The following COL6A3 variants were observed in gnomAD, a reference collection of about 807,000 sequenced individuals.
COL6A3 encodes the protein collagen alpha-3(VI) chain.
A neutral mutation model predicts 274.1 loss-of-function variants in COL6A3; 137 were observed. That is an observed-to-expected ratio of 0.50 (90% CI 0.44 to 0.58). The LOEUF is 0.58. COL6A3 is among the 20% of genes least tolerant of loss of function. The pLI is 0.00. For missense variants in COL6A3, 3,950 were observed against 4,124.9 expected, an observed-to-expected ratio of 0.96 and a Z score of 1.16; for synonymous variants, 1,650 against 1,650.6, an observed-to-expected ratio of 1.00 and a Z score of 0.01.
chr2:237,339,283 G>A (rs977439903), intron 38 of COL6A3, among the ~76,000 whole-genome samples, 166 bp from the exon 39 acceptor site: 6 of 152,302 alleles, frequency 3.9e-5, no homozygotes, highest in African/African-American at 1.4e-4. Flanking sequence ...TAAACATAAA[G>A]TATGATGGCA....
rs2077694702 is a variant in COL6A3 at position 237,371,810 on chromosome 2, TCTG to T, written c.4204_4206del (p.Gln1402del). 5 of 1,613,864 alleles carry T rather than the reference TCTG, an allele frequency of 3.1e-6. No homozygotes were observed. Among genetic ancestry groups the T allele is most frequent in the Non-Finnish European group, 4.2e-6 (5 of 1,180,020 alleles). ...AGGGTCGTGATGGGCGTCAGCAGTT[TCTG>T]CTCCAGGCTGGGCAGCTCCCGGAAG... On this transcript the variant is annotated inframe_deletion, in exon 9 of 44. Coordinates refer to ENST00000295550, the MANE Select transcript of COL6A3 (RefSeq NM_004369.4). The surrounding 1 kb of genome is among the most constrained non-coding windows in gnomAD (Gnocchi z 4.3).
At chr2:237,331,776 T>C (rs1700240542) in intron 42 of COL6A3, among the ~76,000 whole-genome samples, 1 of 151,028 alleles carries the variant, frequency 6.6e-6, no homozygotes, top group Non-Finnish European at 1.5e-5. Context: ...AAAACACACA[T>C]ATGCATGTGT....
In COL6A3 at chr2:237,394,752, C is replaced by T; in HGVS notation, c.544G>A (p.Glu182Lys). Residue 182 changes from glutamate (E) to lysine (K), a missense_variant, in exon 3 of 44, where the codon GAA becomes AAA. Transcript: ENST00000295550. ...CTTGCTATTTCTTTTAACGCTCCTT[C>T]ATCTGCATCCTCAACTCCAATTGCA... ...VFAIGVEDADEGALKEIASEP... is the reference protein window; with the variant it reads ...VFAIGVEDADKGALKEIASEP... 6.2e-7 allele frequency: 1 copy of T among 1,614,250 alleles called. No homozygotes were observed. The highest frequency in any genetic ancestry group is 1.1e-5 in the South Asian group (1 of 91,090).
intron 17 of COL6A3, among the ~76,000 whole-genome samples, chr2:237,359,765 C>G (rs969491435): frequency 1.3e-5 from 2 of 152,242 alleles, no homozygotes; most frequent in African/African-American, 4.8e-5. Context: ...CACTCCCTTC[C>G]CTGACTGCTC....
At position 237,344,445 on chromosome 2, in the gene COL6A3, G is replaced by C. The variant is rs2077056501; in HGVS notation, c.7573C>G (p.Gln2525Glu). 1 of 1,614,246 alleles carries C rather than the reference G, an allele frequency of 6.2e-7. No homozygotes were observed. The highest frequency in any genetic ancestry group is 8.5e-7 in the Non-Finnish European group (1 of 1,180,046). Residue 2525 changes from glutamine (Q) to glutamate (E), a missense_variant, in exon 36 of 44, where the codon CAG (glutamine) becomes GAG (glutamate). Physicochemically the swap from Gln to Glu is conservative, Grantham distance 29. Coordinates refer to ENST00000295550, the MANE Select transcript of COL6A3 (RefSeq NM_004369.4). The surrounding 1 kb of genome is among the most constrained non-coding windows in gnomAD (Gnocchi z 4.8). ...FSNTPTRASP[Q>E]LREAVLKLSD... is the part of the protein sequence containing the mutation. ...AGCTTGAGCACAGCCTCTCTGAGCT[G>C]TGGGGATGCTCTTGTGGGTGTGTTG... is the stretch of plus-strand genomic sequence containing the variant.
intron 23 of COL6A3, chr2:237,355,604 A>T (rs550400846): frequency 1.1e-4 from 16 of 152,232 alleles, no homozygotes; most frequent in African/African-American, 3.6e-4. Context: ...TTGGGGTGGG[A>T]CTTTATGAAT....
intron 1 of COL6A3, among the ~76,000 whole-genome samples, chr2:237,406,522 CTG>C (rs1553569665): frequency 2.0e-5 from 3 of 152,160 alleles, no homozygotes; most frequent in Non-Finnish European, 4.4e-5. Flanking sequence ...TGCACACTGA[CTG>C]TGAAATAGAA....
chr2:237,333,443 A>C lies in COL6A3; in HGVS notation c.9328+7T>G, dbSNP rs185878719. The C allele has an allele frequency of 1.2e-6, 2 of 1,611,722 alleles. No individual in the cohort carries two copies. Among genetic ancestry groups the C allele is most frequent in the East Asian group, 4.5e-5 (2 of 44,874 alleles). On this transcript the variant is annotated splice_region_variant and intron_variant, in intron 42 of 43. Transcript: ENST00000295550. ...CCATTAATGGACCTAATAGTTTCACAACTCACCTGTTTCAGTGAGAGCCAA... is the reference window on the plus strand; with the variant it reads ...CCATTAATGGACCTAATAGTTTCACCACTCACCTGTTTCAGTGAGAGCCAA...
rs374493032 is a variant in COL6A3 at position 237,369,031 on chromosome 2, C to T, written c.4432G>A (p.Val1478Met). The change falls in exon 10 of 44, where the codon GTG becomes ATG. Residue 1478 changes from valine to methionine, a missense_variant. This residue lies in a region of COL6A3 where 1,934 missense variants were observed against 1,984.3 expected (regional missense o/e 0.97). Transcript: ENST00000295550. ...GGGAAGACATCATTGCTGAACTGCA[C>T]GACCCCAACTCTCACTTTACTGGGG... ...IGPSKVRVGVVQFSNDVFPEF... is the reference protein window; with the variant it reads ...IGPSKVRVGVMQFSNDVFPEF... 1.6e-5 allele frequency: 26 copies of T among 1,614,066 alleles called. No homozygotes were observed. Among genetic ancestry groups the T allele is most frequent in the Admixed American group, 6.7e-5 (4 of 60,004 alleles).
chr2:237,381,510 C>G lies in COL6A3; in HGVS notation c.1313-11G>C, dbSNP rs751423800. 3 of 1,592,840 alleles carry G rather than the reference C, an allele frequency of 1.9e-6. No homozygotes were observed. On this transcript the variant is annotated splice_polypyrimidine_tract_variant and intron_variant, in intron 4 of 43. Coordinates refer to ENST00000295550, the MANE Select transcript of COL6A3 (RefSeq NM_004369.4). ...TGTTGACTTCAATGACTGTAGGTGGCAACATTATAAGGCAATTAGAATGGC... is the reference window on the plus strand; with the variant it reads ...TGTTGACTTCAATGACTGTAGGTGGGAACATTATAAGGCAATTAGAATGGC...
At position 237,361,193 on chromosome 2, in the gene COL6A3, G is replaced by T. The variant is rs1307819498; in HGVS notation, c.6157-19C>A. 3 of 1,613,018 alleles carry T rather than the reference G, an allele frequency of 1.9e-6. No homozygotes were observed. Among genetic ancestry groups the T allele is most frequent in the Admixed American group, 1.7e-5 (1 of 59,994 alleles). On this transcript the variant is annotated intron_variant, in intron 15 of 43. Transcript: ENST00000295550. This position sits in a 1 kb window ranked among gnomAD's most constrained non-coding sequence, Gnocchi z 5.1. ...GAATACCCTGAAACAAAGTAATCGG[G>T]TCCTCTGTTTAATCCCGTGGTCTTC...
rs961477831 is a variant in COL6A3 at position 237,336,542 on chromosome 2, C to A, written c.8568-10G>T. 2 of 1,613,562 alleles carry A rather than the reference C, an allele frequency of 1.2e-6. No individual in the cohort carries two copies. Among genetic ancestry groups the A allele is most frequent in the Middle Eastern group, 1.7e-4 (1 of 6,056 alleles). ...GTTATTCGGAACATTTCTGTTAAGA[C>A]AAATTAAATATTACCTCTACTTTTA... On this transcript the variant is annotated splice_polypyrimidine_tract_variant and intron_variant, in intron 39 of 43. Transcript: ENST00000295550.
chr2:237,352,058 T>A (rs3790999), intron 26 of COL6A3, among the ~76,000 whole-genome samples: 91,918 of 152,102 alleles, frequency 0.6, 27,885 homozygotes, highest in East Asian at 0.67. Flanking sequence ...TGATAGCTGC[T>A]TTGCAAGATA....
intron 26 of COL6A3, 27 bp downstream of exon 26, chr2:237,352,494 GA>G: frequency 6.2e-7 from 1 of 1,602,476 alleles, no homozygotes; most frequent in Non-Finnish European, 8.5e-7. Flanking sequence ...TTCAGCTAGA[GA>G]GGGGGCTGGT....
Position 237,376,737 on chromosome 2 carries a change from T to C in COL6A3, c.3070+35A>G. 1.9e-6 allele frequency: 3 copies of C among 1,606,048 alleles called. No homozygotes were observed. The South Asian group carries it at 3.3e-5, about 18-fold the overall frequency. On this transcript the variant is annotated intron_variant, in intron 7 of 43. Transcript: ENST00000295550. ...ACCCTCAACTCATGCATTAGAGAAC[T>C]GAGTGGCAGAGCAACTAGCATTTCT... is the stretch of plus-strand genomic sequence containing the variant.
rs115297652 is a variant in COL6A3 at position 237,374,886 on chromosome 2, C to T, written c.3205G>A (p.Val1069Met). ...DVGQDRVRVA[V>M]VQYSDRTRPE... ...CTGGTCCGGTCGCTGTACTGCACCA[C>T]GGCCACGCGGACCCGGTCCTGGCCC... is the stretch of plus-strand genomic sequence containing the variant. The change falls in exon 8 of 44, where the codon GTG becomes ATG. Residue 1069 changes from valine to methionine, a missense_variant. Coordinates refer to ENST00000295550, the MANE Select transcript of COL6A3 (RefSeq NM_004369.4). This position sits in a 1 kb window ranked among gnomAD's most constrained non-coding sequence, Gnocchi z 4.8. The T allele has an allele frequency of 2.0e-4, 330 of 1,613,910 alleles. 1 individual carries two copies. In the East Asian group the frequency reaches 6.1e-3, roughly 30 times the overall value.
rs1332728382 is a variant in COL6A3 at position 237,366,824 on chromosome 2, T to A, written c.5363A>T (p.Lys1788Met). ...VRNIDSEEVG[K>M]IASNSATAFR... ...CGCTGTGGCGCTGTTGGACGCTATC[T>A]TTCCAACCTCCTCCGAGTCGATATT... Residue 1788 changes from lysine (K) to methionine (M), a missense_variant, in exon 11 of 44, where the codon AAG becomes ATG. By Grantham distance (95) the Lys-to-Met change is moderately conservative. This residue lies in a region of COL6A3 where 632 missense variants were observed against 623.4 expected (regional missense o/e 1.01). Coordinates refer to ENST00000295550, the MANE Select transcript of COL6A3 (RefSeq NM_004369.4). The A allele has an allele frequency of 3.1e-6, 5 of 1,614,272 alleles. No individual in the cohort carries two copies. The highest frequency in any genetic ancestry group is 3.4e-6 in the Non-Finnish European group (4 of 1,180,056).
intron 4 of COL6A3, among the ~76,000 whole-genome samples, chr2:237,381,930 G>T (rs1318350168): frequency 6.6e-6 from 1 of 152,174 alleles, no homozygotes. Context: ...AATGCTCATT[G>T]TCAAGTGCAA....
intron 24 of COL6A3, among the ~76,000 whole-genome samples, 188 bp downstream of exon 24, chr2:237,354,711 G>A (rs1012320113): frequency 1.3e-4 from 20 of 152,152 alleles, no homozygotes; most frequent in African/African-American, 2.7e-4. Flanking sequence ...CCTTGGGCAG[G>A]TGTCATCAGG....
Sources: allele counts gnomAD v4.1 joint callset (sites outside exome capture counted in the v4.1 genomes callset), GRCh38; gene constraint gnomAD v4.1.1; regional missense constraint gnomAD v4.1.1; non-coding constraint Gnocchi (gnomAD v3.1); transcripts MANE v1.5; gene names NCBI Gene and HGNC (gene_info 2026-07-23, HGNC 2026-07-21).